RAD54B: variants seen among roughly 807,000 people sequenced by gnomAD.
The protein encoded by RAD54B is DNA repair and recombination protein RAD54B.
A neutral mutation model predicts 95.8 loss-of-function variants in RAD54B; 78 were observed. That is an observed-to-expected ratio of 0.81 (90% confidence interval 0.68 to 0.98). RAD54B has a LOEUF of 0.98. Ranked by LOEUF, RAD54B falls within the 50% of genes least tolerant of loss-of-function variation. The pLI is 0.00. For synonymous variants in RAD54B, 328 were observed against 354.9 expected (o/e 0.92, Z 0.85); for missense variants, 957 against 1,056.6 (o/e 0.91, Z 1.31).
At chr8:94,436,234 A>G (rs561302361) in intron 3 of RAD54B, among the ~76,000 whole-genome samples, 20 of 152,206 alleles carry the variant, frequency 1.3e-4, no homozygotes, top group Non-Finnish European at 2.5e-4. Flanking sequence ...ACAAATTTCA[A>G]CCCACTTATT....
chr8:94,430,770 C>T, intron 3 of RAD54B: 1 of 984,666 alleles, frequency 1.0e-6, no homozygotes, highest in Non-Finnish European at 1.2e-6. Context: ...TTAAAAAATG[C>T]AGATTTCTGG....
At chr8:94,454,822 CA>C (rs1812743659) in intron 3 of RAD54B, among the ~76,000 whole-genome samples, 1 of 152,138 alleles carries the variant, frequency 6.6e-6, no homozygotes, top group East Asian at 1.9e-4. Context: ...AAAGAAAACA[CA>C]AAAGTCTAAC....
At chr8:94,396,542 T>G (rs186566157) in intron 8 of RAD54B, among the ~76,000 whole-genome samples, 1 of 152,232 alleles carries the variant, frequency 6.6e-6, no homozygotes, top group Non-Finnish European at 1.5e-5. Flanking sequence ...TTTATATTTT[T>G]CCTTTTAATC....
chr8:94,422,170 A>C (rs907121233), intron 3 of RAD54B, among the ~76,000 whole-genome samples: 1 of 152,186 alleles, frequency 6.6e-6, no homozygotes, highest in African/African-American at 2.4e-5. Context: ...AGTAACTTAT[A>C]AAGTCCTGAG....
chr8:94,387,012 C>T lies in RAD54B; in HGVS notation c.1957G>A (p.Val653Ile), dbSNP rs1454713083. The change falls in exon 11 of 15, where the codon GTT becomes ATT. Residue 653 changes from valine (V) to isoleucine (I), a missense_variant. Transcript: ENST00000336148. ...KLQVLSKLLA[V>I]IHELRPTEKV... ...TCAGTAGGTCGAAGTTCGTGGATAACCGCTAAGAGCTTGGACAACACCTGT... is the reference window on the plus strand; with the variant it reads ...TCAGTAGGTCGAAGTTCGTGGATAATCGCTAAGAGCTTGGACAACACCTGT... 1.2e-6 allele frequency: 2 copies of T among 1,607,496 alleles called. No individual in the cohort carries two copies. Among genetic ancestry groups the T allele is most frequent in the Middle Eastern group, 1.7e-4 (1 of 6,040 alleles).
In RAD54B at chr8:94,419,822, C is replaced by A. The variant is rs117387162; in HGVS notation, c.305-8507G>T. Among the ~76,000 whole-genome samples the A allele has an allele frequency of 2.3e-3, 343 of 150,446 alleles. 12 individuals are homozygous for A. The East Asian group carries it at 0.063, about 28-fold the overall frequency. On this transcript the variant is annotated intron_variant, in intron 3 of 14. Transcript: ENST00000336148. ...TAAAAGAGGTTGAAATAAGCCCACT[C>A]ACACTTACTAGAAATTATTAAACAC...
intron 3 of RAD54B, among the ~76,000 whole-genome samples, chr8:94,422,085 A>C (rs1811818438): frequency 6.6e-6 from 1 of 152,108 alleles, no homozygotes; most frequent in African/African-American, 2.4e-5. Flanking sequence ...GCCAAATTAG[A>C]TCTAGTTACC....
chr8:94,427,271 T>C (rs957908487), intron 3 of RAD54B, among the ~76,000 whole-genome samples: 1 of 152,158 alleles, frequency 6.6e-6, no homozygotes, highest in African/African-American at 2.4e-5. Flanking sequence ...TTATTTTGCT[T>C]TCCACTATTA....
At chr8:94,474,807 C>A (rs1235212384) in intron 1 of RAD54B, among the ~76,000 whole-genome samples, 194 bp downstream of exon 1, 2 of 151,980 alleles carry the variant, frequency 1.3e-5, no homozygotes, top group Admixed American at 1.3e-4. Context: ...CGCTCCAAGG[C>A]CCCCGGGGCC....
intron 1 of RAD54B, among the ~76,000 whole-genome samples, chr8:94,471,857 T>C (rs1372533452): frequency 2.0e-5 from 3 of 151,852 alleles, no homozygotes; most frequent in Non-Finnish European, 4.4e-5. Flanking sequence ...TCTTGATTGT[T>C]AGTCCATATA....
Position 94,378,301 on chromosome 8 carries a change from T to C in RAD54B, c.2394A>G (p.Thr798=). 1 of 1,614,018 alleles carries C rather than the reference T, an allele frequency of 6.2e-7. No individual in the cohort carries two copies. Among genetic ancestry groups the C allele is most frequent in the Admixed American group, 1.7e-5 (1 of 60,022 alleles). Residue 798 remains threonine (T), a synonymous_variant, in exon 14 of 15, where the codon ACA becomes ACG. Coordinates refer to ENST00000336148, the MANE Select transcript of RAD54B (RefSeq NM_012415.3). ...LCGAVVDLTK[T]SEHIQFSVEE... is the part of the protein sequence containing the mutation. ...CTACTGAAAACTGAATATGTTCAGA[T>C]GTCTTGGTGAGGTCGACAACTGCCC...
At position 94,378,381 on chromosome 8, in the gene RAD54B, C is replaced by G. The variant is rs1289835631; in HGVS notation, c.2315-1G>C. ...TGATAGATCTTTTCTTCTATTGTAC[C>G]TAAAGAGAAAACATTAATTAGATTT... On this transcript the variant is annotated splice_acceptor_variant, in intron 13 of 14. Transcript: ENST00000336148. LOFTEE classifies it high-confidence loss of function. The G allele has an allele frequency of 6.2e-7, 1 of 1,606,972 alleles. No homozygotes were observed. Among genetic ancestry groups the G allele is most frequent in the Admixed American group, 1.7e-5 (1 of 58,894 alleles).
Position 94,372,158 on chromosome 8 carries a change from AG to A in RAD54B, c.*11del, listed in dbSNP as rs767071367. ...AAAAGAAGAGCAATGGAATGTCAGAAGTAATCTTTCACTATGTGCCAGTAGC... is the reference window on the plus strand; with the variant it reads ...AAAAGAAGAGCAATGGAATGTCAGAATAATCTTTCACTATGTGCCAGTAGC... On this transcript the variant is annotated 3_prime_UTR_variant, in exon 15 of 15. Coordinates refer to ENST00000336148, the MANE Select transcript of RAD54B (RefSeq NM_012415.3). The A allele has an allele frequency of 2.5e-6, 4 of 1,585,840 alleles. No homozygotes were observed. Among genetic ancestry groups the A allele is most frequent in the Non-Finnish European group, 3.4e-6 (4 of 1,172,132 alleles).
chr8:94,436,904 C>A (rs746287879), intron 3 of RAD54B: 28 of 1,486,844 alleles, frequency 1.9e-5, no homozygotes, highest in Non-Finnish European at 2.5e-5. Flanking sequence ...TTTCTGAAAC[C>A]ACCATGCAGC....
intron 3 of RAD54B, among the ~76,000 whole-genome samples, chr8:94,414,158 A>G (rs937404833): frequency 6.6e-5 from 10 of 152,290 alleles, no homozygotes; most frequent in African/African-American, 2.4e-4. Context: ...TAGTTTAAAA[A>G]TAAGACAACA....
intron 8 of RAD54B, 43 bp from the exon 9 acceptor site, chr8:94,393,925 T>C (rs758127190): frequency 3.9e-5 from 59 of 1,512,860 alleles, no homozygotes; most frequent in Non-Finnish European, 5.1e-5. Flanking sequence ...GTTTGTGTTT[T>C]ACAATCACAA....
intron 11 of RAD54B, among the ~76,000 whole-genome samples, chr8:94,385,978 T>A (rs1810881767): frequency 6.6e-6 from 1 of 152,170 alleles, no homozygotes; most frequent in Non-Finnish European, 1.5e-5. Flanking sequence ...GCTAAAGAAT[T>A]TAGAAATTTC....
intron 3 of RAD54B, among the ~76,000 whole-genome samples, chr8:94,443,274 A>T (rs1812442811): frequency 6.6e-6 from 1 of 152,168 alleles, no homozygotes; most frequent in African/African-American, 2.4e-5. Flanking sequence ...GAATGATGAG[A>T]ACGCATGGAC....
intron 11 of RAD54B, among the ~76,000 whole-genome samples, chr8:94,382,975 G>A (rs1038617989): frequency 6.6e-6 from 1 of 152,098 alleles, no homozygotes; most frequent in Admixed American, 6.6e-5. Context: ...GTGTGAAAAC[G>A]GACTAATGCA....
Sources: gnomAD v4.1 joint callset for allele counts (sites outside exome capture counted in the v4.1 genomes callset) on GRCh38, gnomAD v4.1.1 for gene constraint, MANE v1.5 for transcripts, NCBI Gene and HGNC (gene_info 2026-07-23, HGNC 2026-07-21) for gene names.